The following PREPL variants were observed in gnomAD, a reference collection of about 807,000 sequenced individuals.
PREPL encodes prolyl endopeptidase like.
In PREPL, 77 loss-of-function variants were observed where a neutral mutation model predicts 70.6. The observed-to-expected ratio is 1.09, with a 90% CI of 0.91 to 1.32. The LOEUF is 1.32. PREPL is among the 40% of genes most tolerant of loss of function. The pLI is 0.00. For missense variants in PREPL, 1,002 were observed against 778.2 expected (o/e 1.29, Z -3.42); for synonymous variants, 315 against 264.8 (o/e 1.19, Z -1.84).
In PREPL at chr2:44,320,634, T is replaced by C; in HGVS notation, c.*722A>G. On this transcript the variant is annotated 3_prime_UTR_variant, in exon 14 of 14. Coordinates refer to ENST00000409411, the MANE Select transcript of PREPL (RefSeq NM_001171613.2). ...TGTACTGAACATACTGTATACCTCG[T>C]GTTAGGCACCTTTATGAAGAGATGA... is the stretch of plus-strand genomic sequence containing the variant. 6.2e-7 allele frequency: 1 copy of C among 1,613,274 alleles called. No homozygotes were observed. Among genetic ancestry groups the C allele is most frequent in the Middle Eastern group, 1.7e-4 (1 of 6,056 alleles).
At position 44,338,348 on chromosome 2, in the gene PREPL, T is replaced by C. The variant is rs1674853400; in HGVS notation, c.888+3A>G. The C allele has an allele frequency of 3.1e-6, 5 of 1,605,876 alleles. No homozygotes were observed. The highest frequency in any genetic ancestry group is 4.2e-6 in the Non-Finnish European group (5 of 1,177,500). On this transcript the variant is annotated splice_donor_region_variant and intron_variant, in intron 7 of 13. Transcript: ENST00000409411. ...AGTATTAACTTCTGAAAATTAAACATACCTTTAGAGACCGAACTGAATCAT... is the reference window on the plus strand; with the variant it reads ...AGTATTAACTTCTGAAAATTAAACACACCTTTAGAGACCGAACTGAATCAT...
At chr2:44,345,062 A>G (rs1036353525) in intron 2 of PREPL, among the ~76,000 whole-genome samples, 9 of 152,216 alleles carry the variant, frequency 5.9e-5, no homozygotes, top group African/African-American at 1.9e-4. Context: ...AACTATACAC[A>G]GTCTTGACTT....
Position 44,355,112 on chromosome 2 carries a change from G to A in PREPL, c.-49+6268C>T, listed in dbSNP as rs1437150811. On this transcript the variant is annotated intron_variant, in intron 1 of 13. Coordinates refer to ENST00000409411, the MANE Select transcript of PREPL (RefSeq NM_001171613.2). ...TCATAATAGCTTTGTGTCAGTTTAG[G>A]TCAGGTTTTGCCCATTCTCAACAGC... Among the ~76,000 whole-genome samples the A allele has an allele frequency of 4.6e-5, 7 of 152,110 alleles. No homozygotes were observed. In the East Asian group the frequency reaches 1.4e-3, roughly 29 times the overall value.
In PREPL at chr2:44,317,873, A is replaced by G. The variant is rs1572823057; in HGVS notation, c.*3483T>C. On this transcript the variant is annotated 3_prime_UTR_variant, in exon 14 of 14. Coordinates refer to ENST00000409411, the MANE Select transcript of PREPL (RefSeq NM_001171613.2). ...TATGAATGGGTTAAATTAGCCTATT[A>G]AAAGATAAAACCACTCAGATAACAA... 9.6e-6 allele frequency: 2 copies of G among 207,986 alleles called. No homozygotes were observed. Among genetic ancestry groups the G allele is most frequent in the Non-Finnish European group, 2.0e-5 (2 of 100,204 alleles). 12.9% of individuals were successfully genotyped at this position (207,986 alleles called of 1,614,324 possible).
chr2:44,328,789 CAA>C (rs1673793080), intron 9 of PREPL, 146 bp downstream of exon 9: 1 of 804,010 alleles, frequency 1.2e-6, no homozygotes, highest in South Asian at 2.6e-5. Flanking sequence ...GTTAAAGAAT[CAA>C]GTTTCACCAG....
In PREPL at chr2:44,344,312, C is replaced by T. The variant is rs184828211; in HGVS notation, c.142+208G>A. Among the ~76,000 whole-genome samples, 23 of 152,170 alleles carry T rather than the reference C, an allele frequency of 1.5e-4. 1 individual carries two copies. In the East Asian group the frequency reaches 4.4e-3, roughly 29 times the overall value. On this transcript the variant is annotated intron_variant, in intron 3 of 13. Coordinates refer to ENST00000409411, the MANE Select transcript of PREPL (RefSeq NM_001171613.2). Reference sequence around the variant, plus strand: ...AGACACAGCAGATGCTCAAAAAATGCTGGATGCCGTCTCCATTCTCCCTGC... The same window carrying T: ...AGACACAGCAGATGCTCAAAAAATGTTGGATGCCGTCTCCATTCTCCCTGC...
chr2:44,320,318 T>C lies in PREPL; in HGVS notation c.*1038A>G. 1 of 1,614,182 alleles carries C rather than the reference T, an allele frequency of 6.2e-7. No individual in the cohort carries two copies. ...GCCATTTGAGGAATGACAGCCACTA[T>C]GTTGTGTACACAAGAGAGCTGGATG... On this transcript the variant is annotated 3_prime_UTR_variant, in exon 14 of 14. Coordinates refer to ENST00000409411, the MANE Select transcript of PREPL (RefSeq NM_001171613.2).
At chr2:44,336,884 G>A (rs1674695887) in intron 7 of PREPL, among the ~76,000 whole-genome samples, 1 of 152,066 alleles carries the variant, frequency 6.6e-6, no homozygotes, top group African/African-American at 2.4e-5. Context: ...GGAGTAGCTG[G>A]AGATTTCAGT....
intron 1 of PREPL, among the ~76,000 whole-genome samples, chr2:44,348,579 G>C (rs1676071052): frequency 6.6e-6 from 1 of 152,154 alleles, no homozygotes; most frequent in Non-Finnish European, 1.5e-5. Flanking sequence ...AGCCAACACA[G>C]AGCCAAAAGC....
intron 2 of PREPL, among the ~76,000 whole-genome samples, chr2:44,346,015 A>G (rs1289387127): frequency 2.0e-5 from 3 of 152,074 alleles, no homozygotes; most frequent in Non-Finnish European, 4.4e-5. Flanking sequence ...GATTGTTTGC[A>G]AAAACCAGAA....
In PREPL at chr2:44,322,015, T is replaced by C. The variant is rs1673012369; in HGVS notation, c.1754-115A>G. 8 of 1,110,030 alleles carry C rather than the reference T, an allele frequency of 7.2e-6. No homozygotes were observed. The Admixed American group carries it at 8.7e-5, about 12-fold the overall frequency. The allele number at this position is 1,110,030 out of a possible 1,614,324, so 68.8% of individuals were successfully genotyped here. ...CTCAGTTCAAATAATAGTAAAGGAA[T>C]AAAAAGCAAAAACCACCATCATCAA... On this transcript the variant is annotated intron_variant, in intron 12 of 13. Coordinates refer to ENST00000409411, the MANE Select transcript of PREPL (RefSeq NM_001171613.2).
In PREPL at chr2:44,346,229, A is replaced by C. The variant is rs373298877; in HGVS notation, c.75+39T>G. 1.0e-5 allele frequency: 16 copies of C among 1,555,744 alleles called. No individual in the cohort carries two copies. The African/African-American group carries it at 1.9e-4, about 19-fold the overall frequency. ...TATCTCATTTGCATCTTGATTGGTA[A>C]TATCAAAAATTTTTTTTTAAAGACA... On this transcript the variant is annotated intron_variant, in intron 2 of 13. Coordinates refer to ENST00000409411, the MANE Select transcript of PREPL (RefSeq NM_001171613.2).
chr2:44,337,266 A>C (rs1438164613), intron 7 of PREPL, among the ~76,000 whole-genome samples: 1 of 152,114 alleles, frequency 6.6e-6, no homozygotes, highest in South Asian at 2.1e-4. Flanking sequence ...TTTATTTCAC[A>C]TTCAACCAAC....
chr2:44,357,640 A>G (rs559533593), intron 1 of PREPL, among the ~76,000 whole-genome samples: 93 of 152,374 alleles, frequency 6.1e-4, no homozygotes, highest in Non-Finnish European at 1.1e-3. Context: ...AAATGGAGGG[A>G]AGAAATAGTC....
intron 1 of PREPL, among the ~76,000 whole-genome samples, chr2:44,349,244 T>C (rs1240373676): frequency 6.6e-6 from 1 of 152,180 alleles, no homozygotes; most frequent in Non-Finnish European, 1.5e-5. Context: ...TCAAGACTAA[T>C]TAGCCATTAG....
chr2:44,320,686 A>T lies in PREPL; in HGVS notation c.*670T>A. ...GACACTGGCATTTCAGTGGGATTGT[A>T]AGCATTTGTAATAGCTTCATGTACA... On this transcript the variant is annotated 3_prime_UTR_variant, in exon 14 of 14. Coordinates refer to ENST00000409411, the MANE Select transcript of PREPL (RefSeq NM_001171613.2). 7.0e-7 allele frequency: 1 copy of T among 1,420,510 alleles called. No individual in the cohort carries two copies. The allele number at this position is 1,420,510 out of a possible 1,614,324, so 88.0% of individuals were successfully genotyped here. A position where few individuals can be genotyped will look rare whatever the true frequency, so the allele number is the denominator to read the frequency against.
In PREPL at chr2:44,318,153, T is replaced by G. The variant is rs1368912991; in HGVS notation, c.*3203A>C. 9.1e-6 allele frequency: 4 copies of G among 439,876 alleles called. No individual in the cohort carries two copies. Among genetic ancestry groups the G allele is most frequent in the Non-Finnish European group, 1.8e-5 (4 of 219,652 alleles). The allele number at this position is 439,876 out of a possible 1,614,324, so 27.2% of individuals were successfully genotyped here. ...TCACCCATGCTCGAGTGCAGTGGCG[T>G]GATCTCGGCACACTGCAGCCTCTGC... On this transcript the variant is annotated 3_prime_UTR_variant, in exon 14 of 14. Transcript: ENST00000409411.
chr2:44,329,739 T>C (rs571073383), intron 8 of PREPL, among the ~76,000 whole-genome samples: 63 of 152,326 alleles, frequency 4.1e-4, no homozygotes, highest in African/African-American at 1.4e-3. Flanking sequence ...GTTAAATTAT[T>C]TGTAAGGTTA....
rs750685954 is a variant in PREPL at position 44,321,693 on chromosome 2, C to G, written c.1827+134G>C. ...TGATTGACACAGTGTCCCTCCCTCC[C>G]CTCCTGGGTCTCACCCATAGATAGG... On this transcript the variant is annotated intron_variant, in intron 13 of 13. Coordinates refer to ENST00000409411, the MANE Select transcript of PREPL (RefSeq NM_001171613.2). 8.9e-6 allele frequency: 14 copies of G among 1,570,500 alleles called. No homozygotes were observed. In the African/African-American group the frequency reaches 1.6e-4, roughly 18 times the overall value.
Sources: gnomAD v4.1 joint callset for allele counts (sites outside exome capture counted in the v4.1 genomes callset) on GRCh38, gnomAD v4.1.1 for gene constraint, MANE v1.5 for transcripts, NCBI Gene and HGNC (gene_info 2026-07-23, HGNC 2026-07-21) for gene names.